COL27A1: variants seen among roughly 807,000 people sequenced by gnomAD.
COL27A1 encodes the protein collagen type XXVII alpha 1 chain.
Under a neutral mutation model 251.3 loss-of-function variants are expected in COL27A1, and 106 were observed. The observed-to-expected ratio is 0.42, with a 90% confidence interval of 0.36 to 0.50. The LOEUF (loss-of-function observed/expected upper bound fraction) is 0.50. COL27A1 is among the 20% of genes least tolerant of loss of function. COL27A1 has a pLI of 0.00. For missense variants in COL27A1, 2,325 were observed against 2,522.8 expected, an observed-to-expected ratio of 0.92 and a Z score of 1.68; for synonymous variants, 1,000 against 986.3, an observed-to-expected ratio of 1.01 and a Z score of -0.26.
chr9:114,286,502 C>T (rs562013222), intron 41 of COL27A1, among the ~76,000 whole-genome samples: 2 of 152,266 alleles, frequency 1.3e-5, no homozygotes, highest in South Asian at 2.1e-4. Context: ...TAACTTGAAC[C>T]GCCCATCCCT....
chr9:114,284,746 C>A lies in COL27A1; in HGVS notation c.3956C>A (p.Pro1319His), dbSNP rs779903652. 6.2e-7 allele frequency: 1 copy of A among 1,614,204 alleles called. No homozygotes were observed. The highest frequency in any genetic ancestry group is 2.2e-5 in the East Asian group (1 of 44,882). ...GYDGHKGIVG[P>H]LGPPGPKGEK... ...CAGGGACACAAAGGCATTGTGGGACCCCTTGGACCTCCTGGACCAAAAGGC... is the reference window on the plus strand; with the variant it reads ...CAGGGACACAAAGGCATTGTGGGACACCTTGGACCTCCTGGACCAAAAGGC... The change falls in exon 41 of 61, where the codon CCC (proline) becomes CAC (histidine). Residue 1319 changes from proline to histidine, a missense_variant. Physicochemically the swap from Pro to His is moderately conservative, Grantham distance 77 (BLOSUM62 -2). Around this residue, in one of 4 missense-constraint regions of COL27A1, gnomAD observed 662 missense variants for 795.3 expected, o/e 0.83. Coordinates refer to ENST00000356083, the MANE Select transcript of COL27A1 (RefSeq NM_032888.4).
At chr9:114,242,036 G>A (rs1225511079) in intron 21 of COL27A1, 151 bp from the exon 22 acceptor site, 10 of 574,084 alleles carry the variant, frequency 1.7e-5, no homozygotes, top group Non-Finnish European at 2.9e-5. Context: ...GCCCTGGGTG[G>A]GGCCAGGCAG....
intron 59 of COL27A1, among the ~76,000 whole-genome samples, chr9:114,308,697 T>A (rs1204691911): frequency 2.6e-5 from 4 of 152,184 alleles, no homozygotes; most frequent in Admixed American, 6.5e-5. Context: ...CCTGGGTTGG[T>A]GGCATGAATG....
chr9:114,289,402 G>A, intron 45 of COL27A1, 107 bp downstream of exon 45: 2 of 1,120,410 alleles, frequency 1.8e-6, no homozygotes, highest in African/African-American at 1.6e-5. Context: ...TGCGAGGCAG[G>A]GTAGGGAGGG....
intron 13 of COL27A1, among the ~76,000 whole-genome samples, chr9:114,221,085 T>A (rs1004531619): frequency 7.9e-5 from 12 of 151,802 alleles, no homozygotes; most frequent in African/African-American, 2.9e-4. Flanking sequence ...GGTGAGGCTG[T>A]GTAAAATACT....
At chr9:114,235,080 A>AAG (rs1739782129) in intron 16 of COL27A1, among the ~76,000 whole-genome samples, 1 of 18,092 alleles carries the variant, frequency 5.5e-5, no homozygotes, top group Admixed American at 6.2e-4. Context: ...ACTCCATCTC[A>AAG]AAAAAAAAAA....
chr9:114,169,183 A>G lies in COL27A1; in HGVS notation c.1628A>G (p.Lys543Arg). 1.9e-6 allele frequency: 3 copies of G among 1,614,076 alleles called. No individual in the cohort carries two copies. The highest frequency in any genetic ancestry group is 2.5e-6 in the Non-Finnish European group (3 of 1,180,014). ...SKKPIGSEAS[K>R]KAGPKSSPRK... ...AAGCCCATTGGATCGGAAGCCTCAA[A>G]GAAAGCCGGACCCAAGAGCAGCCCC... Residue 543 changes from lysine (K) to arginine (R), a missense_variant, in exon 3 of 61, where the codon AAG becomes AGG. Coordinates refer to ENST00000356083, the MANE Select transcript of COL27A1 (RefSeq NM_032888.4).
At chr9:114,293,249 T>C (rs1244053846) in intron 49 of COL27A1, among the ~76,000 whole-genome samples, 1 of 152,160 alleles carries the variant, frequency 6.6e-6, no homozygotes, top group Non-Finnish European at 1.5e-5. Flanking sequence ...ATCTGAAAGA[T>C]CTCCAAACAT....
In COL27A1 at chr9:114,176,541, G is replaced by C. The variant is rs868860712; in HGVS notation, c.1909-1750G>C. Among the ~76,000 whole-genome samples, 697 of 131,480 alleles carry C rather than the reference G, an allele frequency of 5.3e-3. 16 individuals are homozygous for C. The highest frequency in any genetic ancestry group is 0.046 in the South Asian group (197 of 4,278). The allele number at this position is 131,480 out of a possible 152,430, so 86.3% of individuals were successfully genotyped here. On this transcript the variant is annotated intron_variant, in intron 3 of 60. Transcript: ENST00000356083. ...AAAGCCACCCAGATAGTAGGTGGGTGGGGGGGGGTGCCCTATGTGAACCCA... is the reference window on the plus strand; with the variant it reads ...AAAGCCACCCAGATAGTAGGTGGGTCGGGGGGGGTGCCCTATGTGAACCCA...
At position 114,309,483 on chromosome 9, in the gene COL27A1, C is replaced by T. The variant is rs772713844; in HGVS notation, c.5436+5C>T. On this transcript the variant is annotated splice_donor_5th_base_variant and intron_variant, in intron 60 of 60. Transcript: ENST00000356083. ...GTGTCCATGGATGGCTGCAAGGTAA[C>T]TCTCAGAGCCCCTCCTAGGCCCTTC... 7.4e-6 allele frequency: 12 copies of T among 1,611,850 alleles called. No homozygotes were observed. Among genetic ancestry groups the T allele is most frequent in the Non-Finnish European group, 1.0e-5 (12 of 1,178,610 alleles).
At chr9:114,246,624 C>T (rs1048465) in intron 24 of COL27A1, among the ~76,000 whole-genome samples, 49,195 of 151,986 alleles carry the variant, frequency 0.32, 8,235 homozygotes, top group Middle Eastern at 0.37. Context: ...TTCCTCAATC[C>T]GGAAGGACTG....
At chr9:114,191,800 A>T (rs1420792012) in intron 5 of COL27A1, among the ~76,000 whole-genome samples, 1 of 152,214 alleles carries the variant, frequency 6.6e-6, no homozygotes, top group African/African-American at 2.4e-5. Context: ...CAAGTGACTT[A>T]TTCCTACCGT....
At chr9:114,176,622 G>T (rs1827466811) in intron 3 of COL27A1, among the ~76,000 whole-genome samples, 1 of 152,056 alleles carries the variant, frequency 6.6e-6, no homozygotes, top group Non-Finnish European at 1.5e-5. Flanking sequence ...GAGGAGAAGT[G>T]GGTAAGACTG....
rs146591981 is a variant in COL27A1, at chr9:114,230,941, C to G, written c.2467-138C>G. 161 of 625,616 alleles carry G rather than the reference C, an allele frequency of 2.6e-4. 2 individuals carry two copies. The East Asian group carries it at 4.6e-3, about 18-fold the overall frequency. The allele number at this position is 625,616 out of a possible 1,614,324, so 38.8% of individuals were successfully genotyped here. A position where few individuals can be genotyped will look rare whatever the true frequency, so the allele number is the denominator to read the frequency against. On this transcript the variant is annotated intron_variant, in intron 14 of 60. Transcript: ENST00000356083. ...TGAAGGTCTCTGGATGAAGAACATT[C>G]CAGATTCCAAGATCAATCCTACAGA...
In COL27A1 at chr9:114,296,138, G is replaced by C. The variant is rs188280495; in HGVS notation, c.4584+3928G>C. Among the ~76,000 whole-genome samples, 146 of 152,202 alleles carry C rather than the reference G, an allele frequency of 9.6e-4. 1 individual carries two copies. Among genetic ancestry groups the C allele is most frequent in the African/African-American group, 3.4e-3 (142 of 41,522 alleles). ...CATAGAAGGACATCTTCAAGAACTT[G>C]GATAAGACAAAGATTTCTTAGATAT... On this transcript the variant is annotated intron_variant, in intron 49 of 60. Coordinates refer to ENST00000356083, the MANE Select transcript of COL27A1 (RefSeq NM_032888.4).
chr9:114,197,157 G>A (rs910374471), intron 7 of COL27A1, among the ~76,000 whole-genome samples: 10 of 152,218 alleles, frequency 6.6e-5, no homozygotes, highest in Non-Finnish European at 1.2e-4. Flanking sequence ...TGAATCCATC[G>A]GCCTACCACT....
At chr9:114,174,829 G>A (rs1242519941) in intron 3 of COL27A1, among the ~76,000 whole-genome samples, 2 of 152,310 alleles carry the variant, frequency 1.3e-5, no homozygotes, top group East Asian at 1.9e-4. Flanking sequence ...AAGTCTGGGT[G>A]CCCTGTGTGA....
At chr9:114,284,922 T>C in intron 41 of COL27A1, 145 bp downstream of exon 41, 1 of 813,758 alleles carries the variant, frequency 1.2e-6, no homozygotes, top group Non-Finnish European at 2.1e-6. Flanking sequence ...GAGGCTGGTG[T>C]CACTGCCACT....
chr9:114,156,582 T>C (rs1430920918), intron 1 of COL27A1, among the ~76,000 whole-genome samples: 1 of 152,128 alleles, frequency 6.6e-6, no homozygotes, highest in Non-Finnish European at 1.5e-5. Flanking sequence ...TGTGTCTGTG[T>C]TTCCTGCTTC....
Sources: gnomAD v4.1 joint callset for allele counts (sites outside exome capture counted in the v4.1 genomes callset) on GRCh38, gnomAD v4.1.1 for gene constraint, gnomAD v4.1.1 regional missense constraint, MANE v1.5 for transcripts, NCBI Gene and HGNC (gene_info 2026-07-23, HGNC 2026-07-21) for gene names.